LOC400499: variants seen among roughly 807,000 people sequenced by gnomAD.
chr16:11,526,392 A>G, the LOC400499 span, among the ~76,000 whole-genome samples: 1 of 152,330 alleles, frequency 6.6e-6, no homozygotes, highest in African/African-American at 2.4e-5. Context: ...TCCACAAAAA[A>G]TATTTTTTAA....
chr16:11,507,844 G>A, the LOC400499 span, among the ~76,000 whole-genome samples: 1 of 121,954 alleles, frequency 8.2e-6, no homozygotes, highest in Non-Finnish European at 1.5e-5. Context: ...TGAGGTGGGA[G>A]GATCACTTGA....
the LOC400499 span, among the ~76,000 whole-genome samples, chr16:11,436,245 G>C: frequency 6.6e-6 from 1 of 152,162 alleles, no homozygotes; most frequent in African/African-American, 2.4e-5. Flanking sequence ...GGGAAGCAGA[G>C]GACATCTTTG....
the LOC400499 span, among the ~76,000 whole-genome samples, chr16:11,449,768 T>A: frequency 6.6e-6 from 1 of 152,228 alleles, no homozygotes; most frequent in Admixed American, 6.5e-5. Flanking sequence ...GGCACTTCCA[T>A]CCCACCAGAT....
the LOC400499 span, chr16:11,393,538 G>T: frequency 8.1e-7 from 1 of 1,232,424 alleles, no homozygotes; most frequent in South Asian, 4.1e-5. Flanking sequence ...AGGCCAACCC[G>T]CTGAGCCTTG....
the LOC400499 span, among the ~76,000 whole-genome samples, chr16:11,495,323 G>C: frequency 6.6e-6 from 1 of 152,028 alleles, no homozygotes; most frequent in African/African-American, 2.4e-5. Flanking sequence ...CAAACAGGAG[G>C]GGGTTCAGGA....
chr16:11,412,128 G>A, the LOC400499 span, among the ~76,000 whole-genome samples: 13 of 152,196 alleles, frequency 8.5e-5, no homozygotes, highest in Non-Finnish European at 1.5e-4. Context: ...ACCTCCCAAA[G>A]CACTGGGATT....
chr16:11,372,586 T>G, the LOC400499 span: 1 of 225,436 alleles, frequency 4.4e-6, no homozygotes, highest in Non-Finnish European at 7.4e-6. Context: ...TCCGTGCGTT[T>G]GCAGCACGTG....
At chr16:11,496,669 CGT>C in the LOC400499 span, among the ~76,000 whole-genome samples, 2 of 151,968 alleles carry the variant, frequency 1.3e-5, no homozygotes, top group East Asian at 3.9e-4. Flanking sequence ...CGTCCAGGTG[CGT>C]GTGTGTGTAC....
At chr16:11,402,981 C>A in the LOC400499 span, among the ~76,000 whole-genome samples, 1 of 152,018 alleles carries the variant, frequency 6.6e-6, no homozygotes, top group East Asian at 1.9e-4. Flanking sequence ...TTGGATGTGA[C>A]AGGTGACACC....
chr16:11,473,744 A>T, the LOC400499 span, among the ~76,000 whole-genome samples: 5 of 145,226 alleles, frequency 3.4e-5, no homozygotes, highest in Non-Finnish European at 7.4e-5. Context: ...AACGAGAGTG[A>T]AACTCTGTCT....
the LOC400499 span, among the ~76,000 whole-genome samples, chr16:11,451,863 G>A: frequency 6.6e-6 from 1 of 152,136 alleles, no homozygotes; most frequent in Non-Finnish European, 1.5e-5. Context: ...GTTGAGAATA[G>A]GGAGACATTG....
chr16:11,422,062 C>T, the LOC400499 span, among the ~76,000 whole-genome samples: 118 of 152,230 alleles, frequency 7.8e-4, no homozygotes, highest in Non-Finnish European at 1.4e-3. Flanking sequence ...CCAAAGTCTT[C>T]GAGTTTGCAA....
chr16:11,392,010 C>A, the LOC400499 span: 1 of 410,630 alleles, frequency 2.4e-6, no homozygotes, highest in Non-Finnish European at 4.2e-6. Context: ...TGATACCCAC[C>A]AATTGCTGGA....
At chr16:11,380,536 TAAG>T in the LOC400499 span, among the ~76,000 whole-genome samples, 2 of 152,076 alleles carry the variant, frequency 1.3e-5, no homozygotes, top group Non-Finnish European at 2.9e-5. Flanking sequence ...CAAAAAAAAA[TAAG>T]AATAATAAGT....
the LOC400499 span, among the ~76,000 whole-genome samples, chr16:11,380,390 G>T: frequency 6.6e-6 from 1 of 152,022 alleles, no homozygotes; most frequent in African/African-American, 2.4e-5. Context: ...GACCAGCCTG[G>T]CTAACATGGT....
the LOC400499 span, among the ~76,000 whole-genome samples, chr16:11,520,523 G>A: frequency 1.1e-3 from 173 of 152,246 alleles, no homozygotes; most frequent in African/African-American, 3.5e-3. Context: ...CAGGCGTGGC[G>A]GAGCGCACCA....
At chr16:11,462,517 C>G in the LOC400499 span, 1 of 794,736 alleles carries the variant, frequency 1.3e-6, no homozygotes, top group African/African-American at 1.9e-5. Flanking sequence ...GCAACCTCCA[C>G]CTCCTGGGTT....
the LOC400499 span, among the ~76,000 whole-genome samples, chr16:11,410,000 C>G: frequency 6.6e-6 from 1 of 152,138 alleles, no homozygotes; most frequent in Non-Finnish European, 1.5e-5. Context: ...CGGAATGGAG[C>G]CAGGTGTGGT....
the LOC400499 span, chr16:11,398,389 G>A: frequency 1.6e-6 from 2 of 1,232,324 alleles, no homozygotes; most frequent in South Asian, 8.2e-5. Context: ...GAGTGCCGCA[G>A]CCAGCGTGCA....
Sources: allele counts gnomAD v4.1 joint callset (sites outside exome capture counted in the v4.1 genomes callset), GRCh38; gene constraint gnomAD v4.1.1; transcripts MANE v1.5.